Variants in LPP observed in about 807,000 individuals in gnomAD.
LPP encodes LIM domain containing preferred translocation partner in lipoma.
LPP carries 38 observed loss-of-function variants against 60.4 expected under a neutral mutation model. The observed-to-expected ratio is 0.63, with a 90% CI of 0.49 to 0.83. The LOEUF (loss-of-function observed/expected upper bound fraction) is 0.83. Ranked by LOEUF, LPP falls within the 40% of genes least tolerant of loss-of-function variation. The probability of loss-of-function intolerance (pLI) is 0.00; values close to 1 mark genes in which losing one functional copy is unlikely to be tolerated. For synonymous variants in LPP, 328 were observed against 290.8 expected, an observed-to-expected ratio of 1.13 and a Z score of -1.30; for missense variants, 902 against 783.6, an observed-to-expected ratio of 1.15 and a Z score of -1.80.
In LPP at chr3:188,354,821, G is replaced by A. The variant is rs200933982; in HGVS notation, c.-10+13102G>A. On this transcript the variant is annotated intron_variant, in intron 3 of 11. Transcript: ENST00000617246. The stretch of plus-strand genomic sequence containing the variant: ...AATGAACACACACACGCGCGTGCGC[G>A]CACACACACACACAGACACACACAC... 2.8e-4 allele frequency among the ~76,000 whole-genome samples: 14 copies of A among 49,322 alleles called. 3 individuals carry two copies. Among genetic ancestry groups the A allele is most frequent in the East Asian group, 6.6e-4 (1 of 1,522 alleles). 32.4% of individuals were successfully genotyped at this position (49,322 alleles called of 152,430 possible).
rs960101382 is a variant in LPP, at chr3:188,878,440, C to T, written c.*3961C>T. ...ATTTCACATTTGTAGTTCAAACAAG[C>T]GATTGTCCATCTGTTGCCTAGAGCT... On this transcript the variant is annotated 3_prime_UTR_variant, in exon 12 of 12. Coordinates refer to ENST00000617246, the MANE Select transcript of LPP (RefSeq NM_001375462.1). 4.2e-5 allele frequency: 9 copies of T among 213,936 alleles called. No individual in the cohort carries two copies. Among genetic ancestry groups the T allele is most frequent in the East Asian group, 3.5e-4 (5 of 14,396 alleles). The allele number at this position is 213,936 out of a possible 1,614,324, so 13.3% of individuals were successfully genotyped here. A position where few individuals can be genotyped will look rare whatever the true frequency, so the allele number is the denominator to read the frequency against.
intron 9 of LPP, among the ~76,000 whole-genome samples, chr3:188,855,344 G>A (rs376254489): frequency 1.3e-5 from 2 of 152,242 alleles, no homozygotes; most frequent in Admixed American, 6.5e-5. Context: ...TGCAAATGCA[G>A]TAGTGTCTTG....
chr3:188,837,572 TCA>T (rs1758810691), intron 9 of LPP, among the ~76,000 whole-genome samples: 1 of 151,908 alleles, frequency 6.6e-6, no homozygotes, highest in Non-Finnish European at 1.5e-5. Context: ...ACTGAGAAAT[TCA>T]GTCTGTTCTG....
intron 2 of LPP, among the ~76,000 whole-genome samples, chr3:188,259,620 G>A (rs1288100285): frequency 6.6e-6 from 1 of 152,180 alleles, no homozygotes; most frequent in Admixed American, 6.5e-5. Flanking sequence ...GGGTGGGGCA[G>A]CCTCTTCTTA....
At chr3:188,222,074 T>C (rs561037265) in intron 1 of LPP, among the ~76,000 whole-genome samples, 1 of 152,310 alleles carries the variant, frequency 6.6e-6, no homozygotes, top group South Asian at 2.1e-4. Context: ...TGATGGAAAG[T>C]TTAAATAAGG....
intron 9 of LPP, among the ~76,000 whole-genome samples, chr3:188,781,947 T>C (rs185144001): frequency 6.6e-6 from 1 of 151,180 alleles, no homozygotes; most frequent in Non-Finnish European, 1.5e-5. Flanking sequence ...TCCCACTGTG[T>C]CCCTTCTACT....
At chr3:188,451,067 T>C (rs139105606) in intron 4 of LPP, among the ~76,000 whole-genome samples, 1,835 of 152,264 alleles carry the variant, frequency 0.012, 32 homozygotes, top group African/African-American at 0.042. Flanking sequence ...TTTGTTTTTT[T>C]TTAAACATAA....
intron 3 of LPP, among the ~76,000 whole-genome samples, chr3:188,381,995 T>A (rs1777037900): frequency 6.6e-6 from 1 of 151,804 alleles, no homozygotes; most frequent in South Asian, 2.1e-4. Flanking sequence ...GCTATGTTGC[T>A]CAGGCTGGTC....
chr3:188,412,364 C>T (rs991153242), intron 4 of LPP, among the ~76,000 whole-genome samples: 1 of 152,068 alleles, frequency 6.6e-6, no homozygotes. Context: ...ACCAATTCAA[C>T]GTGATCATTT....
chr3:188,306,224 G>A (rs1279892692), intron 2 of LPP, among the ~76,000 whole-genome samples: 1 of 151,576 alleles, frequency 6.6e-6, no homozygotes, highest in African/African-American at 2.4e-5. Context: ...GGGATTGCAG[G>A]TGTGCACCAC....
At chr3:188,639,684 A>C (rs1849633337) in intron 7 of LPP, among the ~76,000 whole-genome samples, 1 of 151,212 alleles carries the variant, frequency 6.6e-6, no homozygotes, top group South Asian at 2.1e-4. Context: ...AAAACAAACA[A>C]CCCCATCAAA....
chr3:188,549,019 A>G (rs1827372722), intron 6 of LPP, among the ~76,000 whole-genome samples: 1 of 152,232 alleles, frequency 6.6e-6, no homozygotes, highest in Non-Finnish European at 1.5e-5. Context: ...GCAGATAGTT[A>G]ATGTTTTCAA....
chr3:188,456,215 C>T (rs1797706582), intron 4 of LPP, among the ~76,000 whole-genome samples: 1 of 152,176 alleles, frequency 6.6e-6, no homozygotes, highest in South Asian at 2.1e-4. Context: ...ATATTAGAAA[C>T]CCTGTACTAC....
intron 2 of LPP, among the ~76,000 whole-genome samples, chr3:188,311,813 A>G (rs1031754542): frequency 1.3e-5 from 2 of 151,972 alleles, no homozygotes; most frequent in South Asian, 2.1e-4. Context: ...TAATTTTTGT[A>G]TTTTTAGTAG....
At chr3:188,415,198 A>G (rs1245323540) in intron 4 of LPP, among the ~76,000 whole-genome samples, 1 of 152,128 alleles carries the variant, frequency 6.6e-6, no homozygotes, top group Non-Finnish European at 1.5e-5. Flanking sequence ...AGAGAATTTA[A>G]TTGCTTTTTT....
intron 4 of LPP, among the ~76,000 whole-genome samples, chr3:188,438,246 T>C (rs573483976): frequency 1.1e-4 from 16 of 152,120 alleles, no homozygotes; most frequent in Middle Eastern, 3.4e-3. Flanking sequence ...ACTGATTATA[T>C]TCCTGTGACT....
At chr3:188,428,567 T>C (rs1790070674) in intron 4 of LPP, among the ~76,000 whole-genome samples, 1 of 146,086 alleles carries the variant, frequency 6.8e-6, no homozygotes, top group Non-Finnish European at 1.5e-5. Flanking sequence ...ATGTAATTGC[T>C]CTGGGATGGG....
intron 4 of LPP, among the ~76,000 whole-genome samples, chr3:188,459,610 ACTC>A (rs1379249208): frequency 6.6e-6 from 1 of 151,934 alleles, no homozygotes; most frequent in African/African-American, 2.4e-5. Flanking sequence ...TTTTATTAGT[ACTC>A]CTACTTTCCA....
chr3:188,360,727 CT>C (rs1769039954), intron 3 of LPP, among the ~76,000 whole-genome samples: 1 of 152,124 alleles, frequency 6.6e-6, no homozygotes, highest in African/African-American at 2.4e-5. Context: ...CTGGTAAACA[CT>C]TTTATTAGAT....
Sources: gnomAD v4.1 joint callset for allele counts (sites outside exome capture counted in the v4.1 genomes callset) on GRCh38, gnomAD v4.1.1 for gene constraint, MANE v1.5 for transcripts, NCBI Gene and HGNC (gene_info 2026-07-23, HGNC 2026-07-21) for gene names.